TAFA5: variants seen among roughly 807,000 people sequenced by gnomAD.
TAFA5 encodes the protein TAFA chemokine like family member 5.
A neutral mutation model predicts 15.3 loss-of-function variants in TAFA5; 6 were observed. The ratio of observed to expected loss-of-function variants is 0.39; its 90% CI spans 0.21 to 0.77. The LOEUF is 0.77. Ranked by LOEUF, TAFA5 falls within the 30% of genes least tolerant of loss-of-function variation. The probability of loss-of-function intolerance (pLI) is 0.41; values close to 1 mark genes in which losing one functional copy is unlikely to be tolerated. For missense variants in TAFA5, 161 were observed against 193.1 expected (o/e 0.83, Z 0.98); for synonymous variants, 103 against 80.7 (o/e 1.28, Z -1.48).
intron 2 of TAFA5, among the ~76,000 whole-genome samples, chr22:48,672,664 T>C (rs1277385812): frequency 6.6e-6 from 1 of 152,204 alleles, no homozygotes; most frequent in East Asian, 1.9e-4. Context: ...TCATCACCCC[T>C]CAGGAACCCA....
chr22:48,561,219 C>T (rs1923218874), intron 1 of TAFA5, among the ~76,000 whole-genome samples: 1 of 152,126 alleles, frequency 6.6e-6, no homozygotes, highest in Admixed American at 6.5e-5. Context: ...CTCTGGGACC[C>T]TTTGCTGGTA....
chr22:48,505,534 G>C (rs77506095), intron 1 of TAFA5, among the ~76,000 whole-genome samples: 1 of 152,210 alleles, frequency 6.6e-6, no homozygotes, highest in Non-Finnish European at 1.5e-5. Flanking sequence ...GCCATTAAAA[G>C]GCCTACTGCC....
At chr22:48,646,246 C>T (rs1469231947) in intron 1 of TAFA5, among the ~76,000 whole-genome samples, 1 of 152,196 alleles carries the variant, frequency 6.6e-6, no homozygotes, top group Non-Finnish European at 1.5e-5. Flanking sequence ...CAGCAGGTGC[C>T]TGATTGTGTG....
intron 1 of TAFA5, among the ~76,000 whole-genome samples, chr22:48,642,707 G>A (rs1270760284): frequency 1.3e-5 from 2 of 152,198 alleles, no homozygotes; most frequent in Non-Finnish European, 2.9e-5. Flanking sequence ...TGGTCTTTCT[G>A]TGTGATATAT....
chr22:48,664,660 G>T (rs1927553086), intron 2 of TAFA5, among the ~76,000 whole-genome samples: 1 of 152,082 alleles, frequency 6.6e-6, no homozygotes, highest in Non-Finnish European at 1.5e-5. Context: ...GTCACTGCAG[G>T]TTTGCCTGTT....
intron 3 of TAFA5, among the ~76,000 whole-genome samples, chr22:48,737,610 C>T (rs1172031712): frequency 6.6e-6 from 1 of 152,208 alleles, no homozygotes; most frequent in African/African-American, 2.4e-5. Flanking sequence ...CACCATGGCA[C>T]AGCACGGAAG....
At chr22:48,635,931 A>G (rs1926428486) in intron 1 of TAFA5, among the ~76,000 whole-genome samples, 2 of 152,148 alleles carry the variant, frequency 1.3e-5, no homozygotes, top group South Asian at 4.1e-4. Context: ...GGCTCTTGGC[A>G]CACTTGGCCC....
intron 2 of TAFA5, among the ~76,000 whole-genome samples, chr22:48,648,464 A>G (rs1926942104): frequency 6.6e-6 from 1 of 152,158 alleles, no homozygotes; most frequent in Admixed American, 6.5e-5. Context: ...GTGAAGGTCC[A>G]TGGAGAAGGG....
intron 3 of TAFA5, among the ~76,000 whole-genome samples, chr22:48,731,173 C>T (rs933283902): frequency 2.0e-5 from 3 of 152,152 alleles, no homozygotes; most frequent in African/African-American, 7.2e-5. Flanking sequence ...AGAGCAAGCC[C>T]CAACTCTCTC....
At chr22:48,745,842 C>A (rs1222679299) in intron 3 of TAFA5, among the ~76,000 whole-genome samples, 1 of 152,160 alleles carries the variant, frequency 6.6e-6, no homozygotes, top group African/African-American at 2.4e-5. Flanking sequence ...AGGCACCTCT[C>A]CTGGCAGCAC....
rs1477359623 is a variant in TAFA5, at chr22:48,560,857, A to G, written c.112+71153A>G. 2.0e-5 allele frequency among the ~76,000 whole-genome samples: 3 copies of G among 151,882 alleles called. No homozygotes were observed. The highest frequency in any genetic ancestry group is 7.3e-5 in the African/African-American group (3 of 41,338). On this transcript the variant is annotated intron_variant, in intron 1 of 3. Transcript: ENST00000402357. This position sits in a 1 kb window ranked among gnomAD's most constrained non-coding sequence, Gnocchi z 4.2. ...ACTCCTGACCTCAGGTGATCCACCC[A>G]CCTCGGCCTCCCAAAGTTCTGGGAT...
At chr22:48,691,917 G>A (rs1335152909) in intron 2 of TAFA5, among the ~76,000 whole-genome samples, 1 of 152,170 alleles carries the variant, frequency 6.6e-6, no homozygotes, top group Non-Finnish European at 1.5e-5. Flanking sequence ...TCCATCCTGA[G>A]ACAGCCCCCC....
At chr22:48,612,307 T>G (rs1455801572) in intron 1 of TAFA5, among the ~76,000 whole-genome samples, 1 of 152,172 alleles carries the variant, frequency 6.6e-6, no homozygotes, top group Non-Finnish European at 1.5e-5. Context: ...CATGTTCAAG[T>G]GTAATCAAGG....
chr22:48,535,333 T>C (rs1922118040), intron 1 of TAFA5, among the ~76,000 whole-genome samples: 1 of 152,190 alleles, frequency 6.6e-6, no homozygotes, highest in African/African-American at 2.4e-5. Context: ...CATTTACAAA[T>C]AATACCTGCA....
At chr22:48,502,042 T>A (rs2147096407) in intron 1 of TAFA5, among the ~76,000 whole-genome samples, 1 of 152,378 alleles carries the variant, frequency 6.6e-6, no homozygotes, top group Non-Finnish European at 1.5e-5. Flanking sequence ...TCTCCCAATG[T>A]CATTGCTGCC....
intron 3 of TAFA5, among the ~76,000 whole-genome samples, chr22:48,709,864 C>T (rs1162828439): frequency 2.6e-5 from 4 of 152,388 alleles, no homozygotes; most frequent in African/African-American, 7.2e-5. Context: ...CCAGCCCCTC[C>T]AAAGGCATCG....
chr22:48,659,406 C>T (rs753955264), intron 2 of TAFA5, among the ~76,000 whole-genome samples: 41 of 152,350 alleles, frequency 2.7e-4, no homozygotes, highest in Admixed American at 1.2e-3. Context: ...AGAGGCTGGA[C>T]CTCATGGTCA....
chr22:48,726,990 C>T (rs534017385), intron 3 of TAFA5, among the ~76,000 whole-genome samples: 71 of 152,256 alleles, frequency 4.7e-4, no homozygotes, highest in Admixed American at 1.3e-3. Context: ...ATCTTCCGTA[C>T]GGGGTCACTC....
At chr22:48,618,403 T>A (rs1925689360) in intron 1 of TAFA5, among the ~76,000 whole-genome samples, 1 of 152,240 alleles carries the variant, frequency 6.6e-6, no homozygotes. Context: ...ATGCGTGCAG[T>A]TTTGGAACAA....
Sources: gnomAD v4.1 joint callset for allele counts (sites outside exome capture counted in the v4.1 genomes callset) on GRCh38, gnomAD v4.1.1 for gene constraint, Gnocchi (gnomAD v3.1) non-coding constraint, MANE v1.5 for transcripts, NCBI Gene and HGNC (gene_info 2026-07-23, HGNC 2026-07-21) for gene names.